Variants in DIP2B observed in about 807,000 individuals in gnomAD.
DIP2B encodes disco-interacting protein 2 homolog B.
In DIP2B, 76 loss-of-function variants were observed where a neutral mutation model predicts 198.0. That is an observed-to-expected ratio of 0.38 (90% CI 0.32 to 0.46). DIP2B has a LOEUF of 0.46. Among genes scored for constraint, DIP2B ranks in the 20% least tolerant of loss-of-function variants. The pLI is 0.99. For synonymous variants in DIP2B, 701 were observed against 739.1 expected, an observed-to-expected ratio of 0.95 and a Z score of 0.84; for missense variants, 1,559 against 1,978.4, an observed-to-expected ratio of 0.79 and a Z score of 4.02.
intron 1 of DIP2B, among the ~76,000 whole-genome samples, chr12:50,534,121 C>A (rs1240642738): frequency 6.6e-6 from 1 of 152,080 alleles, no homozygotes; most frequent in Non-Finnish European, 1.5e-5. Flanking sequence ...AGTTAGAACT[C>A]CAATTAGGCA....
intron 1 of DIP2B, among the ~76,000 whole-genome samples, chr12:50,605,199 A>G (rs1271294420): frequency 1.3e-5 from 2 of 152,174 alleles, no homozygotes; most frequent in Non-Finnish European, 2.9e-5. Context: ...CAATATACCA[A>G]TTTAATATAT....
Position 50,675,399 on chromosome 12 carries a change from G to GCCT in DIP2B, c.870_872dup (p.Pro291dup), listed in dbSNP as rs1565867119. The GCCT allele has an allele frequency of 1.9e-6, 3 of 1,613,866 alleles. No individual in the cohort carries two copies. Among genetic ancestry groups the GCCT allele is most frequent in the Non-Finnish European group, 2.5e-6 (3 of 1,179,854 alleles). On this transcript the variant is annotated inframe_insertion, in exon 7 of 38. Transcript: ENST00000301180. Reference sequence around the variant, plus strand: ...TGAACACTCTGAAACGACCCAAAAGGCCTCCCTTAAAGGAATTTTTTGTGG... The same window carrying GCCT: ...TGAACACTCTGAAACGACCCAAAAGGCCTCCTCCCTTAAAGGAATTTTTTGTGG...
In DIP2B at chr12:50,745,000, G is replaced by A; in HGVS notation, c.*161G>A. The A allele has an allele frequency of 1.1e-6, 1 of 922,604 alleles. No homozygotes were observed. The highest frequency in any genetic ancestry group is 1.6e-6 in the Non-Finnish European group (1 of 630,534). 57.2% of individuals were successfully genotyped at this position (922,604 alleles called of 1,614,324 possible). ...TCTGCAATCATAAAACACAGGAAAGGGGAATTCTGTGATGGCAAATGAAAA... is the reference window on the plus strand; with the variant it reads ...TCTGCAATCATAAAACACAGGAAAGAGGAATTCTGTGATGGCAAATGAAAA... On this transcript the variant is annotated 3_prime_UTR_variant, in exon 38 of 38. Coordinates refer to ENST00000301180, the MANE Select transcript of DIP2B (RefSeq NM_173602.3).
chr12:50,540,170 G>A (rs1165605142), intron 1 of DIP2B, among the ~76,000 whole-genome samples: 7 of 145,486 alleles, frequency 4.8e-5, no homozygotes, highest in Non-Finnish European at 7.5e-5. Flanking sequence ...GTGCAGTGGC[G>A]TGATCTCGGC....
chr12:50,576,862 G>A (rs1021125513), intron 1 of DIP2B, among the ~76,000 whole-genome samples: 6 of 150,476 alleles, frequency 4.0e-5, no homozygotes, highest in African/African-American at 1.2e-4. Context: ...AACATCCCTT[G>A]TTATTATTAT....
chr12:50,668,036 C>T (rs925761136), intron 4 of DIP2B, among the ~76,000 whole-genome samples: 9 of 152,178 alleles, frequency 5.9e-5, no homozygotes, highest in African/African-American at 2.2e-4. Flanking sequence ...CATCTGTGCT[C>T]TGGCTAGTCT....
At chr12:50,735,455 G>GT (rs1555196111) in intron 34 of DIP2B, among the ~76,000 whole-genome samples, 2 of 148,326 alleles carry the variant, frequency 1.3e-5, no homozygotes, top group Non-Finnish European at 1.5e-5. Flanking sequence ...GGTTTTTTTT[G>GT]TTTTTTTGTT....
chr12:50,693,036 C>T (rs778150477), intron 14 of DIP2B, 23 bp downstream of exon 14: 16 of 1,600,044 alleles, frequency 1.0e-5, no homozygotes, highest in African/African-American at 1.4e-5. Context: ...GATTTAAGGC[C>T]CTTAGTGTAA....
chr12:50,623,414 C>T (rs956074210), intron 1 of DIP2B, among the ~76,000 whole-genome samples: 19 of 89,428 alleles, frequency 2.1e-4, no homozygotes, highest in African/African-American at 9.8e-4. Flanking sequence ...CACACACACA[C>T]ACACACACAC....
intron 3 of DIP2B, chr12:50,657,087 ATT>A (rs1593692640): frequency 6.6e-6 from 1 of 151,958 alleles, no homozygotes; most frequent in Non-Finnish European, 1.5e-5. Context: ...AATAAAAAAT[ATT>A]TTTTAAAAAA....
rs568977006 is a variant in DIP2B at position 50,632,757 on chromosome 12, A to G, written c.172+6710A>G. Among the ~76,000 whole-genome samples the G allele has an allele frequency of 9.6e-4, 146 of 151,828 alleles. 1 individual carries two copies. Among genetic ancestry groups the G allele is most frequent in the Admixed American group, 5.8e-3 (89 of 15,262 alleles). The stretch of plus-strand genomic sequence containing the variant: ...TCACCATGTTGGCCAGGCTGGTCTC[A>G]AACTCCTGACCTCAAGTAATCCGCC... On this transcript the variant is annotated intron_variant, in intron 2 of 37. Coordinates refer to ENST00000301180, the MANE Select transcript of DIP2B (RefSeq NM_173602.3).
chr12:50,625,864 CCCTG>C (rs1313202856), intron 1 of DIP2B, 108 bp from the exon 2 acceptor site: 3 of 1,128,116 alleles, frequency 2.7e-6, no homozygotes, highest in Non-Finnish European at 3.9e-6. Flanking sequence ...CCCCCCAACC[CCCTG>C]CCTCTATATG....
At chr12:50,699,321 C>G (rs952845113) in intron 19 of DIP2B, 119 bp downstream of exon 19, 3 of 1,413,148 alleles carry the variant, frequency 2.1e-6, no homozygotes, top group African/African-American at 2.9e-5. Flanking sequence ...TACTCTGGAG[C>G]TAGACTTGCC....
rs139662574 is a variant in DIP2B at position 50,732,639 on chromosome 12, G to A, written c.3981+103G>A. 91 of 1,399,920 alleles carry A rather than the reference G, an allele frequency of 6.5e-5. No individual in the cohort carries two copies. In the African/African-American group the frequency reaches 7.8e-4, roughly 12 times the overall value. The allele number at this position is 1,399,920 out of a possible 1,614,324, so 86.7% of individuals were successfully genotyped here. On this transcript the variant is annotated intron_variant, in intron 32 of 37. Coordinates refer to ENST00000301180, the MANE Select transcript of DIP2B (RefSeq NM_173602.3). Reference sequence around the variant, plus strand: ...GGCTGCCTGGGCTTGGGCCCCAGCCGCACTTACTTGCTTTGGAACTTCGGG... The same window carrying A: ...GGCTGCCTGGGCTTGGGCCCCAGCCACACTTACTTGCTTTGGAACTTCGGG...
chr12:50,704,807 T>C (rs1339622985), intron 20 of DIP2B, among the ~76,000 whole-genome samples: 2 of 151,976 alleles, frequency 1.3e-5, no homozygotes, highest in African/African-American at 4.8e-5. Context: ...CTACTAAAAA[T>C]ACAAAAATTA....
chr12:50,523,868 A>C (rs1332111964), intron 1 of DIP2B, among the ~76,000 whole-genome samples: 1 of 152,216 alleles, frequency 6.6e-6, no homozygotes, highest in African/African-American at 2.4e-5. Context: ...ATAGGACATC[A>C]GAATAGAGAA....
At chr12:50,553,739 G>A (rs1308308624) in intron 1 of DIP2B, among the ~76,000 whole-genome samples, 6 of 152,014 alleles carry the variant, frequency 3.9e-5, no homozygotes, top group African/African-American at 1.4e-4. Flanking sequence ...CTGCAGCCTC[G>A]ATCTCCTGGG....
intron 1 of DIP2B, among the ~76,000 whole-genome samples, chr12:50,610,998 C>T (rs965740866): frequency 7.2e-5 from 11 of 152,040 alleles, no homozygotes; most frequent in African/African-American, 2.2e-4. Flanking sequence ...ATGGGTTCCA[C>T]CATCTTGGCC....
At position 50,683,171 on chromosome 12, in the gene DIP2B, A is replaced by G. The variant is rs377278476; in HGVS notation, c.1240A>G (p.Met414Val). ...ALVYPNNDPVMFMVAFYGCLL... is the reference protein window; with the variant it reads ...ALVYPNNDPVVFMVAFYGCLL... ...GGTTTACCCCAACAATGATCCAGTC[A>G]TGTTTATGGTGGCTTTCTATGGATG... The change falls in exon 10 of 38, where the codon ATG becomes GTG. Residue 414 changes from methionine (M) to valine (V), a missense_variant. By Grantham distance (21) the Met-to-Val change is conservative (BLOSUM62 1). Transcript: ENST00000301180. 1.9e-6 allele frequency: 3 copies of G among 1,612,366 alleles called. No individual in the cohort carries two copies. The highest frequency in any genetic ancestry group is 2.5e-6 in the Non-Finnish European group (3 of 1,179,510).
Sources: gnomAD v4.1 joint callset for allele counts (sites outside exome capture counted in the v4.1 genomes callset) on GRCh38, gnomAD v4.1.1 for gene constraint, MANE v1.5 for transcripts, NCBI Gene and HGNC (gene_info 2026-07-23, HGNC 2026-07-21) for gene names.